LYPD6B: variants seen among roughly 807,000 people sequenced by gnomAD.
LYPD6B encodes ly6/PLAUR domain-containing protein 6B.
LYPD6B carries 17 observed loss-of-function variants against 22.8 expected under a neutral mutation model. That is an observed-to-expected ratio of 0.75 (90% CI 0.51 to 1.12). The LOEUF (loss-of-function observed/expected upper bound fraction) is 1.12, where lower values mean the gene tolerates loss of function less well. LYPD6B is among the 50% of genes most tolerant of loss of function. The pLI, the probability that LYPD6B is intolerant of heterozygous loss-of-function variation, is 0.00. For synonymous variants in LYPD6B, 106 were observed against 91.6 expected (o/e 1.16, Z -0.90); for missense variants, 221 against 258.3 (o/e 0.86, Z 0.99).
chr2:149,101,210 C>G (rs950787467), intron 1 of LYPD6B: 2 of 152,256 alleles, frequency 1.3e-5, no homozygotes, highest in Non-Finnish European at 2.9e-5. Flanking sequence ...GGTGCTTCTC[C>G]GCCAGAGCCA....
At chr2:149,157,475 TC>T (rs1200720797) in intron 2 of LYPD6B, among the ~76,000 whole-genome samples, 2 of 152,166 alleles carry the variant, frequency 1.3e-5, no homozygotes, top group Non-Finnish European at 2.9e-5. Context: ...TGACAGCAGA[TC>T]CTCCCAGCTG....
At chr2:149,101,318 A>T (rs1271640083) in intron 1 of LYPD6B, 3 of 152,270 alleles carry the variant, frequency 2.0e-5, no homozygotes, top group African/African-American at 7.2e-5. Context: ...GTTTTTCTCC[A>T]GTAGAATCCC....
intron 6 of LYPD6B, among the ~76,000 whole-genome samples, chr2:149,214,269 A>T (rs1278877267): frequency 6.6e-6 from 1 of 152,156 alleles, no homozygotes; most frequent in Non-Finnish European, 1.5e-5. Context: ...AAGCACTCTT[A>T]TGCAGTTTCT....
chr2:149,161,977 TTGGGTGGAA>T (rs1690093406), intron 3 of LYPD6B, among the ~76,000 whole-genome samples: 1 of 152,102 alleles, frequency 6.6e-6, no homozygotes, highest in African/African-American at 2.4e-5. Context: ...CCGGGGCATA[TTGGGTGGAA>T]TGTGAGCTGT....
At chr2:149,074,520 A>G (rs927482347) in intron 1 of LYPD6B, among the ~76,000 whole-genome samples, 3 of 152,232 alleles carry the variant, frequency 2.0e-5, no homozygotes, top group African/African-American at 4.8e-5. Context: ...CCTGACTTCT[A>G]AGGGCACGCA....
chr2:149,172,594 A>T (rs1690917197), intron 3 of LYPD6B, among the ~76,000 whole-genome samples: 1 of 152,034 alleles, frequency 6.6e-6, no homozygotes, highest in Non-Finnish European at 1.5e-5. Context: ...TCCAATGGTG[A>T]TCACACTCAT....
intron 1 of LYPD6B, among the ~76,000 whole-genome samples, chr2:149,119,631 G>C (rs1687184439): frequency 6.6e-6 from 1 of 152,148 alleles, no homozygotes; most frequent in Non-Finnish European, 1.5e-5. Context: ...CAAGAGCTTT[G>C]ATTTCATTTT....
intron 3 of LYPD6B, among the ~76,000 whole-genome samples, chr2:149,163,717 T>G (rs1192816756): frequency 6.6e-6 from 1 of 152,174 alleles, no homozygotes; most frequent in Non-Finnish European, 1.5e-5. Flanking sequence ...CCCTGTGTCC[T>G]GGAGTGAAGT....
intron 3 of LYPD6B, chr2:149,188,720 G>T (rs1052743400): frequency 1.9e-4 from 186 of 978,082 alleles, no homozygotes; most frequent in Non-Finnish European, 2.2e-4. Flanking sequence ...GAGGTCGCCT[G>T]GCTCCAGAGA....
Position 149,063,059 on chromosome 2 carries a change from A to G in LYPD6B, c.-67+24258A>G, listed in dbSNP as rs139922796. On this transcript the variant is annotated intron_variant, in intron 1 of 6. Transcript: ENST00000409642. ...CTTCCCTATTAAGCACAGCCTTTGC[A>G]TTTCAGGAACTTATATCTTAATGGG... 1.3e-3 allele frequency among the ~76,000 whole-genome samples: 193 copies of G among 151,748 alleles called. 1 individual carries two copies. The highest frequency in any genetic ancestry group is 3.6e-3 in the African/African-American group (150 of 41,340).
chr2:149,095,748 GGA>G (rs1685875365), intron 1 of LYPD6B, among the ~76,000 whole-genome samples: 1 of 151,820 alleles, frequency 6.6e-6, no homozygotes, highest in Non-Finnish European at 1.5e-5. Flanking sequence ...TTGGAAGGAG[GGA>G]GAGAGAGAAA....
At chr2:149,144,915 G>A (rs1322945549) in intron 2 of LYPD6B, among the ~76,000 whole-genome samples, 1 of 152,072 alleles carries the variant, frequency 6.6e-6, no homozygotes, top group East Asian at 1.9e-4. Flanking sequence ...CCTATGAAAC[G>A]TGGTGTCAAC....
chr2:149,201,074 C>T (rs1190232693), intron 3 of LYPD6B, among the ~76,000 whole-genome samples: 1 of 152,094 alleles, frequency 6.6e-6, no homozygotes, highest in Non-Finnish European at 1.5e-5. Flanking sequence ...GAACTTTTTC[C>T]CTTAGTGTCA....
chr2:149,057,721 T>C (rs1683871030), intron 1 of LYPD6B, among the ~76,000 whole-genome samples: 1 of 151,982 alleles, frequency 6.6e-6, no homozygotes, highest in Non-Finnish European at 1.5e-5. Context: ...CAGGCAGTCC[T>C]TTAATTCAGT....
intron 1 of LYPD6B, among the ~76,000 whole-genome samples, chr2:149,120,309 A>ATGTG (rs71406039): frequency 7.6e-6 from 1 of 132,154 alleles, no homozygotes; most frequent in African/African-American, 3.0e-5. Flanking sequence ...ATATATATAT[A>ATGTG]TGTGTATATA....
chr2:149,205,269 C>A lies in LYPD6B; in HGVS notation c.94C>A (p.Arg32Ser). ...TCACCATAGATATAAGAGTTCGGAC[C>A]GCCCAGCACACAAGGTCAGCATGCT... ...FSFSRYKSSD[R>S]PAHKVSMLLL... The change falls in exon 4 of 7, where the codon CGC becomes AGC. Residue 32 changes from arginine (R) to serine (S), a missense_variant. Coordinates refer to ENST00000409642, the MANE Select transcript of LYPD6B (RefSeq NM_177964.5). 6.2e-7 allele frequency: 1 copy of A among 1,612,302 alleles called. No individual in the cohort carries two copies.
intron 1 of LYPD6B, among the ~76,000 whole-genome samples, chr2:149,087,878 T>G (rs1354030030): frequency 6.6e-6 from 1 of 152,204 alleles, no homozygotes; most frequent in African/African-American, 2.4e-5. Context: ...TCAGGAGTTT[T>G]TAGGCAAATG....
At chr2:149,174,683 AT>A (rs1281277175) in intron 3 of LYPD6B, among the ~76,000 whole-genome samples, 6 of 151,614 alleles carry the variant, frequency 4.0e-5, no homozygotes, top group Non-Finnish European at 7.4e-5. Context: ...GATGAATCGC[AT>A]TAATTGATTT....
At chr2:149,104,059 T>A (rs975788723) in intron 1 of LYPD6B, among the ~76,000 whole-genome samples, 1 of 152,128 alleles carries the variant, frequency 6.6e-6, no homozygotes, top group African/African-American at 2.4e-5. Context: ...ATTACAGGTG[T>A]GAGCCACCGC....
Sources: gnomAD v4.1 joint callset for allele counts (sites outside exome capture counted in the v4.1 genomes callset) on GRCh38, gnomAD v4.1.1 for gene constraint, MANE v1.5 for transcripts, NCBI Gene and HGNC (gene_info 2026-07-23, HGNC 2026-07-21) for gene names.